The following ATRNL1 variants were observed in gnomAD, a reference collection of about 807,000 sequenced individuals.
The protein encoded by ATRNL1 is attractin like 1, also known as attractin-like protein 1.
A neutral mutation model predicts 182.7 loss-of-function variants in ATRNL1; 95 were observed. The observed-to-expected ratio is 0.52, with a 90% confidence interval of 0.44 to 0.62. The LOEUF (loss-of-function observed/expected upper bound fraction) is 0.62. ATRNL1 is among the 20% of genes least tolerant of loss of function. The pLI is 0.00. For missense variants in ATRNL1, 1,471 were observed against 1,679.5 expected (o/e 0.88, Z 2.17); for synonymous variants, 576 against 568.3 (o/e 1.01, Z -0.19).
chr10:115,706,721 T>C (rs572405320), intron 26 of ATRNL1, among the ~76,000 whole-genome samples: 3 of 152,046 alleles, frequency 2.0e-5, no homozygotes, highest in South Asian at 4.1e-4. Flanking sequence ...CTGAATTAAT[T>C]TGACAGCCTG....
Position 115,709,006 on chromosome 10 carries a change from C to T in ATRNL1, c.3796-18242C>T, listed in dbSNP as rs544989253. 5.9e-5 allele frequency among the ~76,000 whole-genome samples: 9 copies of T among 151,828 alleles called. No individual in the cohort carries two copies. The South Asian group carries it at 1.4e-3, about 24-fold the overall frequency. On this transcript the variant is annotated intron_variant, in intron 26 of 28. Coordinates refer to ENST00000355044, the MANE Select transcript of ATRNL1 (RefSeq NM_207303.4). ...TTAAGATTCTCAGAAAGGGAACACA[C>T]ATGCTTCGTTGACAACAGTGGCATC...
intron 1 of ATRNL1, among the ~76,000 whole-genome samples, chr10:115,111,838 G>T (rs1460642479): frequency 1.3e-5 from 2 of 152,070 alleles, no homozygotes; most frequent in Non-Finnish European, 2.9e-5. Context: ...TCTTTTTCTT[G>T]TGTGGCCATA....
intron 26 of ATRNL1, among the ~76,000 whole-genome samples, chr10:115,594,217 CTA>C (rs1380815072): frequency 1.3e-5 from 2 of 152,034 alleles, no homozygotes; most frequent in Non-Finnish European, 2.9e-5. Flanking sequence ...GTACTATAAT[CTA>C]TACATATATA....
intron 28 of ATRNL1, among the ~76,000 whole-genome samples, chr10:115,882,448 C>T (rs191997767): frequency 2.3e-3 from 350 of 152,246 alleles, no homozygotes; most frequent in African/African-American, 8.0e-3. Flanking sequence ...TTGTTCTTTC[C>T]CATAGGTACC....
At chr10:115,302,865 A>G (rs1481309970) in intron 17 of ATRNL1, among the ~76,000 whole-genome samples, 2 of 137,340 alleles carry the variant, frequency 1.5e-5, no homozygotes, top group African/African-American at 7.2e-5. Context: ...CTTGGGAGAA[A>G]AAAGTGCCAA....
chr10:115,654,765 C>T (rs143006987), intron 26 of ATRNL1, among the ~76,000 whole-genome samples: 301 of 152,090 alleles, frequency 2.0e-3, no homozygotes, highest in African/African-American at 6.9e-3. Context: ...TTAAGATGAC[C>T]ACAAATTCTT....
In ATRNL1 at chr10:115,674,473, T is replaced by A. The variant is rs528368338; in HGVS notation, c.3796-52775T>A. ...TTGAATAATATACTTTCTTCATTTT[T>A]AAAAAATTCCATTTTACTTAATCAT... On this transcript the variant is annotated intron_variant, in intron 26 of 28. Transcript: ENST00000355044. 2.6e-5 allele frequency among the ~76,000 whole-genome samples: 4 copies of A among 152,226 alleles called. No individual in the cohort carries two copies. In the East Asian group the frequency reaches 7.7e-4, roughly 29 times the overall value.
At chr10:115,488,886 A>T (rs1849159313) in intron 24 of ATRNL1, among the ~76,000 whole-genome samples, 1 of 152,102 alleles carries the variant, frequency 6.6e-6, no homozygotes, top group Non-Finnish European at 1.5e-5. Context: ...CCCTCTACAC[A>T]CTGCTTTAAA....
intron 27 of ATRNL1, among the ~76,000 whole-genome samples, chr10:115,815,303 A>G (rs1950135340): frequency 6.6e-6 from 1 of 152,060 alleles, no homozygotes; most frequent in Non-Finnish European, 1.5e-5. Flanking sequence ...AAATTAATAG[A>G]CCTATTCTGT....
intron 26 of ATRNL1, among the ~76,000 whole-genome samples, chr10:115,689,682 T>C (rs1946328673): frequency 6.6e-6 from 1 of 152,144 alleles, no homozygotes; most frequent in Non-Finnish European, 1.5e-5. Flanking sequence ...AAAGTATGTA[T>C]CTCTGGGTCT....
chr10:115,539,183 AT>A (rs1852210702), intron 25 of ATRNL1, among the ~76,000 whole-genome samples: 2 of 152,132 alleles, frequency 1.3e-5, no homozygotes, highest in African/African-American at 4.8e-5. Context: ...CATTTCAGTT[AT>A]TTTTTGTTTA....
chr10:115,799,064 TTCCGCCC>T, intron 27 of ATRNL1, among the ~76,000 whole-genome samples: 1 of 151,982 alleles, frequency 6.6e-6, no homozygotes, highest in Non-Finnish European at 1.5e-5. Context: ...TGACCTCGTG[TTCCGCCC>T]ACCTCAGCCT....
At chr10:115,710,435 C>A (rs1181362070) in intron 26 of ATRNL1, among the ~76,000 whole-genome samples, 1 of 152,100 alleles carries the variant, frequency 6.6e-6, no homozygotes, top group Non-Finnish European at 1.5e-5. Flanking sequence ...ACCTGTGACA[C>A]ATTGTCTTTG....
In ATRNL1 at chr10:115,268,791, T is replaced by C. The variant is rs138575044; in HGVS notation, c.2100+347T>C. On this transcript the variant is annotated intron_variant, in intron 13 of 28. Transcript: ENST00000355044. ...TAGGTAGGTATTGAAATAATTACCATTGGATTCCTGTCAGACATGCATTAG... is the reference window on the plus strand; with the variant it reads ...TAGGTAGGTATTGAAATAATTACCACTGGATTCCTGTCAGACATGCATTAG... Among the ~76,000 whole-genome samples the C allele has an allele frequency of 5.5e-3, 832 of 152,346 alleles. 5 individuals carry two copies. The highest frequency in any genetic ancestry group is 0.018 in the African/African-American group (741 of 41,584).
intron 1 of ATRNL1, among the ~76,000 whole-genome samples, chr10:115,117,595 G>C (rs2143594645): frequency 6.6e-6 from 1 of 152,094 alleles, no homozygotes. Flanking sequence ...TTCTTTATCT[G>C]TTCATCTGTT....
chr10:115,621,629 C>T (rs1857776760), intron 26 of ATRNL1, among the ~76,000 whole-genome samples: 1 of 151,926 alleles, frequency 6.6e-6, no homozygotes, highest in African/African-American at 2.4e-5. Flanking sequence ...GTGTAATTTC[C>T]TCATCAGTTT....
chr10:115,186,823 A>C (rs1004175152), intron 8 of ATRNL1, among the ~76,000 whole-genome samples: 1 of 152,142 alleles, frequency 6.6e-6, no homozygotes, highest in African/African-American at 2.4e-5. Flanking sequence ...TTTTAAAATA[A>C]TACAGTAGAA....
At chr10:115,573,029 G>A (rs782197110) in intron 26 of ATRNL1, among the ~76,000 whole-genome samples, 2 of 152,162 alleles carry the variant, frequency 1.3e-5, no homozygotes, top group Non-Finnish European at 2.9e-5. Flanking sequence ...TCCGCAGAAG[G>A]CTTGAGTGTT....
chr10:115,818,755 A>C lies in ATRNL1; in HGVS notation c.3904-29122A>C, dbSNP rs1565406487. 1.3e-5 allele frequency among the ~76,000 whole-genome samples: 2 copies of C among 152,092 alleles called. 1 individual carries two copies. The highest frequency in any genetic ancestry group is 4.8e-5 in the African/African-American group (2 of 41,406). On this transcript the variant is annotated intron_variant, in intron 27 of 28. Transcript: ENST00000355044. ...GAAGAGGCTCTCCAGTCCTTTCCTT[A>C]CTTCACTGGCTGTAGCTTTTTGTAC... is the stretch of plus-strand genomic sequence containing the variant.
Sources: gnomAD v4.1 joint callset for allele counts (sites outside exome capture counted in the v4.1 genomes callset) on GRCh38, gnomAD v4.1.1 for gene constraint, MANE v1.5 for transcripts, NCBI Gene and HGNC (gene_info 2026-07-23, HGNC 2026-07-21) for gene names.